The following FNTB variants were observed in gnomAD, a reference collection of about 807,000 sequenced individuals.
FNTB encodes the protein protein farnesyltransferase subunit beta.
Under a neutral mutation model 59.4 loss-of-function variants are expected in FNTB, and 27 were observed. The ratio of observed to expected loss-of-function variants is 0.45; its 90% CI spans 0.34 to 0.63. The LOEUF (loss-of-function observed/expected upper bound fraction) is 0.63. Among genes scored for constraint, FNTB ranks in the 20% least tolerant of loss-of-function variants. The pLI, the probability that FNTB is intolerant of heterozygous loss-of-function variation, is 0.02. For missense variants in FNTB, 449 were observed against 559.6 expected (o/e 0.80, Z 1.99); for synonymous variants, 230 against 220.7 (o/e 1.04, Z -0.37).
At chr14:64,987,401 T>A (rs1300188776) in intron 1 of FNTB, 1 of 452,304 alleles carries the variant, frequency 2.2e-6, no homozygotes, top group Non-Finnish European at 4.1e-6. Context: ...AGGCAGCCCG[T>A]GCGGGTCGGA....
chr14:65,047,189 G>A lies in FNTB; in HGVS notation c.955+2746G>A, dbSNP rs2062503480. Among the ~76,000 whole-genome samples the A allele has an allele frequency of 6.6e-6, 1 of 152,174 alleles. No homozygotes were observed. The highest frequency in any genetic ancestry group is 1.5e-5 in the Non-Finnish European group (1 of 68,046). On this transcript the variant is annotated intron_variant, in intron 9 of 11. Transcript: ENST00000246166. The surrounding 1 kb of genome is among the most constrained non-coding windows in gnomAD (Gnocchi z 5.2). ...TCCCAAGCCCTCACTGTATGCCAGG[G>A]GCTGTACTGAGCATTTCACATATGT...
At chr14:64,996,913 C>T (rs932341906) in intron 1 of FNTB, among the ~76,000 whole-genome samples, 1 of 151,878 alleles carries the variant, frequency 6.6e-6, no homozygotes, top group Non-Finnish European at 1.5e-5. Context: ...GTTGTGTGTG[C>T]ATCCTTCCAC....
chr14:65,061,447 T>G lies in FNTB; in HGVS notation c.*135T>G. 1 of 1,396,674 alleles carries G rather than the reference T, an allele frequency of 7.2e-7. No homozygotes were observed. The highest frequency in any genetic ancestry group is 9.4e-7 in the Non-Finnish European group (1 of 1,059,554). 86.5% of individuals were successfully genotyped at this position (1,396,674 alleles called of 1,614,324 possible). A position where few individuals can be genotyped will look rare whatever the true frequency, so the allele number is the denominator to read the frequency against. On this transcript the variant is annotated 3_prime_UTR_variant, in exon 12 of 12. Transcript: ENST00000246166. ...AGCTGTGGTTCTCTTGGTACTTTCT[T>G]GTCAAACAAAACCAATGGCTCTGGG...
chr14:65,022,957 A>G (rs1376852221), intron 4 of FNTB, among the ~76,000 whole-genome samples: 2 of 151,670 alleles, frequency 1.3e-5, no homozygotes, highest in Non-Finnish European at 2.9e-5. Flanking sequence ...TTTTATTCTT[A>G]TTGGTTTCTG....
intron 1 of FNTB, among the ~76,000 whole-genome samples, chr14:64,998,192 C>T (rs750136605): frequency 4.6e-5 from 7 of 152,320 alleles, no homozygotes; most frequent in Middle Eastern, 3.4e-3. Flanking sequence ...CTTTGCGCAT[C>T]AACCTCTGAG....
chr14:65,052,174 C>T (rs1049374870), intron 9 of FNTB, among the ~76,000 whole-genome samples: 2 of 152,008 alleles, frequency 1.3e-5, no homozygotes, highest in African/African-American at 4.8e-5. Context: ...CTTATATGTC[C>T]ACTTAATGAA....
At chr14:64,993,919 G>A (rs1036579795) in intron 1 of FNTB, among the ~76,000 whole-genome samples, 1 of 151,198 alleles carries the variant, frequency 6.6e-6, no homozygotes, top group Non-Finnish European at 1.5e-5. Flanking sequence ...GCAGTGGTGC[G>A]ATCTCCACTC....
At chr14:65,037,410 T>C (rs2062222782) in intron 7 of FNTB, among the ~76,000 whole-genome samples, 19 of 69,634 alleles carry the variant, frequency 2.7e-4, no homozygotes, top group Admixed American at 8.5e-4. Flanking sequence ...GCCCTTTTTT[T>C]TTTTTTTTTT....
At position 65,054,513 on chromosome 14, in the gene FNTB, G is replaced by T; in HGVS notation, c.1068-62G>T. On this transcript the variant is annotated intron_variant, in intron 10 of 11. Transcript: ENST00000246166. This position sits in a 1 kb window ranked among gnomAD's most constrained non-coding sequence, Gnocchi z 4.4. ...CACCAGTGGTCTCTGAATTGGTGTGGCTACATTTGTAGATGTGTGCGGAGC... is the reference window on the plus strand; with the variant it reads ...CACCAGTGGTCTCTGAATTGGTGTGTCTACATTTGTAGATGTGTGCGGAGC... The T allele has an allele frequency of 6.6e-7, 1 of 1,518,750 alleles. No individual in the cohort carries two copies. The highest frequency in any genetic ancestry group is 2.4e-5 in the East Asian group (1 of 41,524). 94.1% of individuals were successfully genotyped at this position (1,518,750 alleles called of 1,614,324 possible).
intron 1 of FNTB, among the ~76,000 whole-genome samples, chr14:64,992,565 A>C (rs1230748220): frequency 6.6e-6 from 1 of 152,224 alleles, no homozygotes; most frequent in East Asian, 1.9e-4. Flanking sequence ...TTGAATATGA[A>C]TAAGGTGTTA....
In FNTB at chr14:64,994,158, T is replaced by C. The variant is rs1888309918; in HGVS notation, c.144+7061T>C. 6.6e-6 allele frequency among the ~76,000 whole-genome samples: 1 copy of C among 152,136 alleles called. No individual in the cohort carries two copies. The highest frequency in any genetic ancestry group is 6.6e-5 in the Admixed American group (1 of 15,258). ...GCGTGAGGTACCATGCCTGGCCTAG[T>C]GATTGGATTTCTATTGATTAAATGA... On this transcript the variant is annotated intron_variant, in intron 1 of 11. Transcript: ENST00000246166. The surrounding 1 kb of genome is among the most constrained non-coding windows in gnomAD (Gnocchi z 4.2).
At position 65,012,292 on chromosome 14, in the gene FNTB, G is replaced by A; in HGVS notation, c.210-25G>A. On this transcript the variant is annotated intron_variant, in intron 2 of 11. Transcript: ENST00000246166. This position sits in a 1 kb window ranked among gnomAD's most constrained non-coding sequence, Gnocchi z 5.0. The stretch of plus-strand genomic sequence containing the variant: ...GTGGAAGCATAAGCTATTAGAATGG[G>A]CTTATAAACTGTTTGTCTTTCCAGG... 3 of 1,613,832 alleles carry A rather than the reference G, an allele frequency of 1.9e-6. No individual in the cohort carries two copies. In the South Asian group the frequency reaches 3.3e-5, roughly 18 times the overall value.
rs1566556363 is a variant in FNTB, at chr14:65,030,906, C to G, written c.606-1704C>G. Among the ~76,000 whole-genome samples, 1 of 152,132 alleles carries G rather than the reference C, an allele frequency of 6.6e-6. No homozygotes were observed. The highest frequency in any genetic ancestry group is 1.5e-5 in the Non-Finnish European group (1 of 68,026). On this transcript the variant is annotated intron_variant, in intron 6 of 11. Coordinates refer to ENST00000246166, the MANE Select transcript of FNTB (RefSeq NM_002028.4). The surrounding 1 kb of genome is among the most constrained non-coding windows in gnomAD (Gnocchi z 4.5). ...CACTGCAACCTCTGTCTCTGGGGTTCAAACGATTCTCCTGCCTCGGTCTCC... is the reference window on the plus strand; with the variant it reads ...CACTGCAACCTCTGTCTCTGGGGTTGAAACGATTCTCCTGCCTCGGTCTCC...
In FNTB at chr14:65,061,838, A is replaced by G. The variant is rs2062870596; in HGVS notation, c.*526A>G. On this transcript the variant is annotated 3_prime_UTR_variant, in exon 12 of 12. Transcript: ENST00000246166. Reference sequence around the variant, plus strand: ...CTGCCTCTCGACTTGCACCCTGGTCATTTGTAAGGGAAAAGAGCTGGAGGT... The same window carrying G: ...CTGCCTCTCGACTTGCACCCTGGTCGTTTGTAAGGGAAAAGAGCTGGAGGT... 6.4e-6 allele frequency: 1 copy of G among 155,272 alleles called. No homozygotes were observed. Among genetic ancestry groups the G allele is most frequent in the African/African-American group, 2.4e-5 (1 of 41,516 alleles). The allele number at this position is 155,272 out of a possible 1,614,324, so 9.6% of individuals were successfully genotyped here.
At chr14:65,010,582 G>A (rs890438696) in intron 2 of FNTB, among the ~76,000 whole-genome samples, 3 of 152,158 alleles carry the variant, frequency 2.0e-5, no homozygotes, top group Admixed American at 1.3e-4. Context: ...TGCCCACTGC[G>A]ATATTTTCAG....
Position 65,032,413 on chromosome 14 carries a change from A to G in FNTB, c.606-197A>G, listed in dbSNP as rs2062104282. 2.1e-6 allele frequency: 1 copy of G among 487,772 alleles called. No individual in the cohort carries two copies. The highest frequency in any genetic ancestry group is 3.6e-6 in the Non-Finnish European group (1 of 278,144). The allele number at this position is 487,772 out of a possible 1,614,324, so 30.2% of individuals were successfully genotyped here. On this transcript the variant is annotated intron_variant, in intron 6 of 11. Transcript: ENST00000246166. The surrounding 1 kb of genome is among the most constrained non-coding windows in gnomAD (Gnocchi z 5.0). ...AATGTCATGTTCTTTCACTGAAGCC[A>G]TGCCGTGAGCAACTCTATCCAAATA...
chr14:65,001,578 T>C lies in FNTB; in HGVS notation c.145-2671T>C, dbSNP rs1355023146. Among the ~76,000 whole-genome samples the C allele has an allele frequency of 6.6e-6, 1 of 152,210 alleles. No individual in the cohort carries two copies. Among genetic ancestry groups the C allele is most frequent in the Non-Finnish European group, 1.5e-5 (1 of 68,038 alleles). ...TAGGTTTTGTGTAAATACTCCAGCATTTTATATCAAGGACTTGAGCATCCA... is the reference window on the plus strand; with the variant it reads ...TAGGTTTTGTGTAAATACTCCAGCACTTTATATCAAGGACTTGAGCATCCA... On this transcript the variant is annotated intron_variant, in intron 1 of 11. Transcript: ENST00000246166. This position sits in a 1 kb window ranked among gnomAD's most constrained non-coding sequence, Gnocchi z 5.5.
chr14:65,024,211 A>G (rs1009963869), intron 4 of FNTB, among the ~76,000 whole-genome samples: 2 of 152,178 alleles, frequency 1.3e-5, no homozygotes, highest in Admixed American at 1.3e-4. Context: ...TTTGAGAAGC[A>G]CTGATACCTG....
intron 4 of FNTB, chr14:65,022,095 C>T: frequency 2.2e-6 from 1 of 455,994 alleles, no homozygotes; most frequent in Non-Finnish European, 4.4e-6. Context: ...CCGTCTTCAC[C>T]TGTCCATTGT....
Sources: allele counts gnomAD v4.1 joint callset (sites outside exome capture counted in the v4.1 genomes callset), GRCh38; gene constraint gnomAD v4.1.1; non-coding constraint Gnocchi (gnomAD v3.1); transcripts MANE v1.5; gene names NCBI Gene and HGNC (gene_info 2026-07-23, HGNC 2026-07-21).